Variants in RFPL4AL1 observed in about 807,000 individuals in gnomAD.
RFPL4AL1 encodes ret finger protein like 4A like 1.
RFPL4AL1 carries 2 observed loss-of-function variants against 8.2 expected under a neutral mutation model. The observed-to-expected ratio is 0.24, with a 90% CI of 0.10 to 0.77. RFPL4AL1 has a LOEUF of 0.77. RFPL4AL1 is among the 30% of genes least tolerant of loss of function. RFPL4AL1 has a pLI of 0.72. For synonymous variants in RFPL4AL1, 25 were observed against 131.8 expected (o/e 0.19, Z 5.55); for missense variants, 57 against 350.3 (o/e 0.16, Z 6.68).
chr19:55,770,273 T>A (rs1989466401), intron 1 of RFPL4AL1, among the ~76,000 whole-genome samples: 2 of 151,930 alleles, frequency 1.3e-5, no homozygotes, highest in African/African-American at 4.8e-5. Context: ...GTTTTATTGC[T>A]GGAGGGCTCA....
At chr19:55,769,815 T>G (rs1485522043) in intron 1 of RFPL4AL1, among the ~76,000 whole-genome samples, 1 of 151,760 alleles carries the variant, frequency 6.6e-6, no homozygotes, top group Non-Finnish European at 1.5e-5. Context: ...CAGTGTTTAC[T>G]TCCCTCAGCC....
At chr19:55,770,162 C>T (rs1374760618) in intron 1 of RFPL4AL1, among the ~76,000 whole-genome samples, 2 of 152,134 alleles carry the variant, frequency 1.3e-5, no homozygotes, top group Admixed American at 6.6e-5. Context: ...TCCCACCAAC[C>T]GTGCACAAGG....
chr19:55,771,782 T>G lies in RFPL4AL1; in HGVS notation c.-9-14T>G. 1 of 1,551,324 alleles carries G rather than the reference T, an allele frequency of 6.4e-7. No homozygotes were observed. Among genetic ancestry groups the G allele is most frequent in the Non-Finnish European group, 8.7e-7 (1 of 1,146,760 alleles). On this transcript the variant is annotated splice_polypyrimidine_tract_variant and intron_variant, in intron 1 of 2. Coordinates refer to ENST00000341750, the MANE Select transcript of RFPL4AL1 (RefSeq NM_001277397.2). ...GTGGAAATTCTAATTCCGTGTTCAT[T>G]TTTTTTTCTACAGACATTTGCCATG...
chr19:55,771,695 C>T (rs4617970), intron 1 of RFPL4AL1, 101 bp from the exon 2 acceptor site: 38,645 of 990,362 alleles, frequency 0.039, 7,843 homozygotes, highest in Admixed American at 0.091. Context: ...AGTATGGTGC[C>T]ATGATAGCTC....
chr19:55,769,786 C>G (rs1394723671), intron 1 of RFPL4AL1, among the ~76,000 whole-genome samples: 1 of 151,568 alleles, frequency 6.6e-6, no homozygotes, highest in Admixed American at 6.6e-5. Flanking sequence ...AACTCAGATT[C>G]CACATAACTG....
At position 55,773,248 on chromosome 19, in the gene RFPL4AL1, C is replaced by T. The variant is rs199744839; in HGVS notation, c.*69C>T. On this transcript the variant is annotated 3_prime_UTR_variant, in exon 3 of 3. Coordinates refer to ENST00000341750, the MANE Select transcript of RFPL4AL1 (RefSeq NM_001277397.2). ...CCATAGCCATAGCTAAGAACTTTTC[C>T]GCTAGATACACATAGGTACAAAGGG... The T allele has an allele frequency of 0.22, 184,941 of 846,224 alleles. 24,049 individuals carry two copies. The highest frequency in any genetic ancestry group is 0.46 in the South Asian group (24,785 of 53,772). The allele number at this position is 846,224 out of a possible 1,614,324, so 52.4% of individuals were successfully genotyped here.
intron 1 of RFPL4AL1, 48 bp from the exon 2 acceptor site, chr19:55,771,748 A>G: frequency 1.9e-6 from 3 of 1,549,560 alleles, no homozygotes; most frequent in East Asian, 2.4e-5. Context: ...TCAGCTGTTC[A>G]TTCAGCTCGT....
In RFPL4AL1 at chr19:55,770,347, G is replaced by A. The variant is rs370674706; in HGVS notation, c.-10+1172G>A. 1.0e-3 allele frequency among the ~76,000 whole-genome samples: 153 copies of A among 151,986 alleles called. 1 individual carries two copies. The highest frequency in any genetic ancestry group is 3.2e-3 in the African/African-American group (133 of 41,458). ...CAGTTTCCAGGTTCTGGATGCTGTC[G>A]GGAGAACGAATTCAGGGATGAGCCA... is the stretch of plus-strand genomic sequence containing the variant. On this transcript the variant is annotated intron_variant, in intron 1 of 2. Coordinates refer to ENST00000341750, the MANE Select transcript of RFPL4AL1 (RefSeq NM_001277397.2).
At chr19:55,771,035 C>A (rs527797587) in intron 1 of RFPL4AL1, among the ~76,000 whole-genome samples, 77 of 151,070 alleles carry the variant, frequency 5.1e-4, no homozygotes, top group African/African-American at 1.8e-3. Context: ...GGATATTAAT[C>A]CATTGTCATA....
intron 1 of RFPL4AL1, among the ~76,000 whole-genome samples, chr19:55,770,000 G>A (rs1989460234): frequency 6.6e-6 from 1 of 151,960 alleles, no homozygotes; most frequent in African/African-American, 2.4e-5. Flanking sequence ...ATGCTGCAGA[G>A]AACCTAAGAG....
chr19:55,770,594 G>A (rs1217534147), intron 1 of RFPL4AL1, among the ~76,000 whole-genome samples: 4 of 151,884 alleles, frequency 2.6e-5, no homozygotes, highest in Non-Finnish European at 2.9e-5. Context: ...CTACATATGG[G>A]CATGCTGGGG....
chr19:55,771,371 G>A (rs1989494927), intron 1 of RFPL4AL1, among the ~76,000 whole-genome samples: 1 of 152,130 alleles, frequency 6.6e-6, no homozygotes, highest in African/African-American at 2.4e-5. Flanking sequence ...TAAGATGTGA[G>A]CAACTTGAAA....
chr19:55,771,275 A>G (rs1265282639), intron 1 of RFPL4AL1, among the ~76,000 whole-genome samples: 3 of 152,052 alleles, frequency 2.0e-5, no homozygotes, highest in Non-Finnish European at 4.4e-5. Flanking sequence ...GATAACCCAT[A>G]TATGTAATTG....
chr19:55,771,079 G>GGT lies in RFPL4AL1; in HGVS notation c.-9-717_-9-716insGT, dbSNP rs1555799515. On this transcript the variant is annotated intron_variant, in intron 1 of 2. Transcript: ENST00000341750. Reference sequence around the variant, plus strand: ...TGCTTGTTTGGTTTCTTTTAGTTCTGTTTTTTGTTTTTTTTTTTTTTTTTT... The same window carrying GGT: ...TGCTTGTTTGGTTTCTTTTAGTTCTGGTTTTTTTGTTTTTTTTTTTTTTTTTT... Among the ~76,000 whole-genome samples, 136 of 89,506 alleles carry GGT rather than the reference G, an allele frequency of 1.5e-3. 3 individuals carry two copies. The highest frequency in any genetic ancestry group is 2.8e-3 in the Non-Finnish European group (112 of 40,118). 58.7% of individuals were successfully genotyped at this position (89,506 alleles called of 152,430 possible).
Position 55,771,571 on chromosome 19 carries a change from C to T in RFPL4AL1, c.-9-225C>T, listed in dbSNP as rs556534926. Among the ~76,000 whole-genome samples, 1,005 of 147,728 alleles carry T rather than the reference C, an allele frequency of 6.8e-3. 4 individuals are homozygous for T. The highest frequency in any genetic ancestry group is 0.023 in the African/African-American group (924 of 40,608). Reference sequence around the variant, plus strand: ...TTTACTATTTCAACTCAAAGTCTTTCGGTGAATCATGCCCTTTATTCCAAT... The same window carrying T: ...TTTACTATTTCAACTCAAAGTCTTTTGGTGAATCATGCCCTTTATTCCAAT... On this transcript the variant is annotated intron_variant, in intron 1 of 2. Transcript: ENST00000341750.
rs200242927 is a variant in RFPL4AL1 at position 55,772,754 on chromosome 19, A to G, written c.439A>G (p.Thr147Ala). 383 of 1,544,728 alleles carry G rather than the reference A, an allele frequency of 2.5e-4. 2 individuals carry two copies. Among genetic ancestry groups the G allele is most frequent in the Middle Eastern group, 3.4e-4 (2 of 5,968 alleles). ...GTGCGTCCTGGGCACCCCTCGCTTCACTTCCGGCCGCCATTACTGGGAGGT... is the reference window on the plus strand; with the variant it reads ...GTGCGTCCTGGGCACCCCTCGCTTCGCTTCCGGCCGCCATTACTGGGAGGT... ...ALCVLGTPRFTSGRHYWEVDV... is the reference protein window; with the variant it reads ...ALCVLGTPRFASGRHYWEVDV... Residue 147 changes from threonine to alanine, a missense_variant, in exon 3 of 3, where the codon ACT becomes GCT. By Grantham distance (58) the Thr-to-Ala change is moderately conservative. Transcript: ENST00000341750.
intron 1 of RFPL4AL1, among the ~76,000 whole-genome samples, chr19:55,769,458 C>T (rs566938339): frequency 1.3e-5 from 2 of 151,668 alleles, no homozygotes; most frequent in Non-Finnish European, 2.9e-5. Context: ...CGTTACTCAA[C>T]GTCAGGTTTT....
chr19:55,769,729 G>A (rs1346298785), intron 1 of RFPL4AL1, among the ~76,000 whole-genome samples: 1 of 151,654 alleles, frequency 6.6e-6, no homozygotes, highest in Non-Finnish European at 1.5e-5. Flanking sequence ...CGCTCTGTCT[G>A]CCAGGCTGGA....
chr19:55,771,378 G>T (rs1178135913), intron 1 of RFPL4AL1, among the ~76,000 whole-genome samples: 3 of 152,162 alleles, frequency 2.0e-5, no homozygotes, highest in Non-Finnish European at 4.4e-5. Context: ...TGAGCAACTT[G>T]AAACCTTCTC....
Sources: allele counts gnomAD v4.1 joint callset (sites outside exome capture counted in the v4.1 genomes callset), GRCh38; gene constraint gnomAD v4.1.1; transcripts MANE v1.5; gene names NCBI Gene and HGNC (gene_info 2026-07-23, HGNC 2026-07-21).